Variants in KCNK2 observed in about 807,000 individuals in gnomAD.
KCNK2 encodes the protein potassium two pore domain channel subfamily K member 2, also known as potassium channel subfamily K member 2.
In KCNK2, 21 loss-of-function variants were observed where a neutral mutation model predicts 40.5. The observed-to-expected ratio is 0.52, with a 90% CI of 0.37 to 0.75. KCNK2 has a LOEUF of 0.75. Ranked by LOEUF, KCNK2 falls within the 30% of genes least tolerant of loss-of-function variation. KCNK2 has a pLI of 0.00. For synonymous variants in KCNK2, 191 were observed against 202.2 expected (o/e 0.94, Z 0.47); for missense variants, 399 against 531.6 (o/e 0.75, Z 2.45).
At chr1:215,234,542 A>G (rs1015747345) in intron 6 of KCNK2, among the ~76,000 whole-genome samples, 6 of 134,576 alleles carry the variant, frequency 4.5e-5, no homozygotes, top group African/African-American at 1.5e-4. Context: ...AAAAATTTCA[A>G]TGACAGGATT....
chr1:215,155,378 T>C (rs1425353168), intron 3 of KCNK2, among the ~76,000 whole-genome samples: 1 of 152,220 alleles, frequency 6.6e-6, no homozygotes, highest in Non-Finnish European at 1.5e-5. Flanking sequence ...TCCTTTTAAA[T>C]ATTTATTGAC....
chr1:215,224,876 T>C (rs938166783), intron 6 of KCNK2, among the ~76,000 whole-genome samples: 18 of 152,168 alleles, frequency 1.2e-4, no homozygotes, highest in Non-Finnish European at 2.4e-4. Context: ...ATTTTTTTAC[T>C]GTGATATCTG....
intron 1 of KCNK2, among the ~76,000 whole-genome samples, chr1:215,055,690 G>A (rs1383391871): frequency 6.6e-6 from 1 of 152,188 alleles, no homozygotes; most frequent in African/African-American, 2.4e-5. Context: ...ATTCATGGCA[G>A]TTCAAACGCT....
At chr1:215,063,121 G>A (rs1397019202) in intron 1 of KCNK2, among the ~76,000 whole-genome samples, 1 of 152,138 alleles carries the variant, frequency 6.6e-6, no homozygotes, top group East Asian at 1.9e-4. Flanking sequence ...TGAAGAATGG[G>A]AGAGTGGTCT....
chr1:215,131,508 T>TTATATTAATTATAATTA (rs1661681699), intron 3 of KCNK2, among the ~76,000 whole-genome samples: 1 of 147,442 alleles, frequency 6.8e-6, no homozygotes, highest in Non-Finnish European at 1.5e-5. Context: ...ATATATAAAA[T>TTATATTAATTATAATTA]TATATTAATT....
chr1:215,070,681 A>G (rs1214291065), intron 1 of KCNK2, among the ~76,000 whole-genome samples: 3 of 152,124 alleles, frequency 2.0e-5, no homozygotes, highest in African/African-American at 7.2e-5. Context: ...GGTCCCTCCC[A>G]TGACACATGG....
At chr1:215,066,991 A>C (rs1014026934) in intron 1 of KCNK2, among the ~76,000 whole-genome samples, 4 of 152,174 alleles carry the variant, frequency 2.6e-5, no homozygotes, top group Non-Finnish European at 5.9e-5. Context: ...AGAAAAATAC[A>C]TTTATTCCCA....
chr1:215,028,860 C>T lies in KCNK2; in HGVS notation c.34+22905C>T, dbSNP rs113816468. Reference sequence around the variant, plus strand: ...TTCTATACACCATAGACAGATCTTGCTGTGTTTGAATTTCATATAAATTGA... The same window carrying T: ...TTCTATACACCATAGACAGATCTTGTTGTGTTTGAATTTCATATAAATTGA... On this transcript the variant is annotated intron_variant, in intron 1 of 6. Coordinates refer to the KCNK2 transcript ENST00000391895. Among the ~76,000 whole-genome samples, 1,253 of 152,036 alleles carry T rather than the reference C, an allele frequency of 8.2e-3. 18 individuals carry two copies. Among genetic ancestry groups the T allele is most frequent in the African/African-American group, 0.028 (1,180 of 41,476 alleles).
chr1:215,184,855 G>A (rs1212962430), intron 5 of KCNK2, among the ~76,000 whole-genome samples: 3 of 151,952 alleles, frequency 2.0e-5, no homozygotes, highest in Non-Finnish European at 2.9e-5. Context: ...TCAGTATGTG[G>A]CCCTCATGAT....
chr1:215,110,345 G>A (rs948117404), intron 2 of KCNK2, among the ~76,000 whole-genome samples: 1 of 151,888 alleles, frequency 6.6e-6, no homozygotes, highest in Non-Finnish European at 1.5e-5. Context: ...TATAATTTTA[G>A]GTCTTATGTT....
At chr1:215,134,434 G>T (rs11120504) in intron 3 of KCNK2, among the ~76,000 whole-genome samples, 60,122 of 152,064 alleles carry the variant, frequency 0.4, 15,100 homozygotes, top group East Asian at 0.58. Flanking sequence ...ACAGATGAAA[G>T]ACATACATAG....
chr1:215,030,541 C>CT (rs201006848), intron 1 of KCNK2, among the ~76,000 whole-genome samples: 10,815 of 146,492 alleles, frequency 0.074, 938 homozygotes, highest in African/African-American at 0.22. Flanking sequence ...TGTTACCTAT[C>CT]TTTTTTTTTT....
intron 6 of KCNK2, among the ~76,000 whole-genome samples, chr1:215,202,246 G>A (rs544423769): frequency 1.9e-4 from 29 of 152,292 alleles, no homozygotes; most frequent in East Asian, 5.8e-4. Context: ...TCTTTCCCAC[G>A]GGGAGAGGGG....
intron 3 of KCNK2, among the ~76,000 whole-genome samples, chr1:215,161,276 T>A (rs1663182106): frequency 6.6e-6 from 1 of 152,186 alleles, no homozygotes; most frequent in African/African-American, 2.4e-5. Flanking sequence ...TGAAATTCTT[T>A]CAGTTTCTCA....
At chr1:215,173,387 G>A in intron 5 of KCNK2, among the ~76,000 whole-genome samples, 1 of 152,094 alleles carries the variant, frequency 6.6e-6, no homozygotes, top group Non-Finnish European at 1.5e-5. Flanking sequence ...CATTTGGGTT[G>A]GTTCCAAGTC....
At chr1:215,143,211 G>A (rs1306523010) in intron 3 of KCNK2, among the ~76,000 whole-genome samples, 1 of 152,110 alleles carries the variant, frequency 6.6e-6, no homozygotes, top group African/African-American at 2.4e-5. Flanking sequence ...TGCTATGCGT[G>A]TGTGTGTCTG....
chr1:215,042,896 A>C (rs1657615648), intron 1 of KCNK2, among the ~76,000 whole-genome samples: 1 of 152,028 alleles, frequency 6.6e-6, no homozygotes, highest in Non-Finnish European at 1.5e-5. Context: ...CAAGGATACA[A>C]GACAAAATGC....
At chr1:215,217,581 G>A (rs925349639) in intron 6 of KCNK2, among the ~76,000 whole-genome samples, 2 of 151,926 alleles carry the variant, frequency 1.3e-5, no homozygotes, top group Non-Finnish European at 2.9e-5. Context: ...ACTAATTCTG[G>A]TAACTCACTA....
rs765297963 is a variant in KCNK2, at chr1:215,194,942, T to C, written c.824-11T>C. ...ATGAAGTTATTTTGTTTTACTTTGT[T>C]TTGTCTCCAGGTGGATCCGATATTG... On this transcript the variant is annotated splice_polypyrimidine_tract_variant and intron_variant, in intron 5 of 6. Coordinates refer to ENST00000444842, the MANE Select transcript of KCNK2 (RefSeq NM_001017425.3). 3 of 1,612,122 alleles carry C rather than the reference T, an allele frequency of 1.9e-6. 1 individual carries two copies. In the South Asian group the frequency reaches 3.3e-5, roughly 18 times the overall value.
Sources: allele counts gnomAD v4.1 joint callset (sites outside exome capture counted in the v4.1 genomes callset), GRCh38; gene constraint gnomAD v4.1.1; transcripts MANE v1.5; gene names NCBI Gene and HGNC (gene_info 2026-07-23, HGNC 2026-07-21).